The following BMPR1B variants were observed in gnomAD, a reference collection of about 807,000 sequenced individuals.
BMPR1B encodes bone morphogenetic protein receptor type-1B.
A neutral mutation model predicts 59.1 loss-of-function variants in BMPR1B; 12 were observed. The ratio of observed to expected loss-of-function variants is 0.20; its 90% CI spans 0.13 to 0.33. BMPR1B has a LOEUF of 0.33. Among genes scored for constraint, BMPR1B ranks in the 10% least tolerant of loss-of-function variants. BMPR1B has a pLI of 1.00. For missense variants in BMPR1B, 550 were observed against 610.9 expected, an observed-to-expected ratio of 0.90 and a Z score of 1.05; for synonymous variants, 237 against 207.3, an observed-to-expected ratio of 1.14 and a Z score of -1.23.
At chr4:94,867,757 C>T (rs969115110) in intron 1 of BMPR1B, among the ~76,000 whole-genome samples, 1 of 152,196 alleles carries the variant, frequency 6.6e-6, no homozygotes, top group African/African-American at 2.4e-5. Flanking sequence ...GTTTTCATAA[C>T]CTTCAAAATA....
At chr4:94,905,712 A>T (rs941643595) in intron 2 of BMPR1B, among the ~76,000 whole-genome samples, 5 of 151,956 alleles carry the variant, frequency 3.3e-5, no homozygotes, top group African/African-American at 9.7e-5. Context: ...CTCACACAGG[A>T]TGCCTGCCTA....
chr4:95,013,736 T>TC (rs1243848048), intron 3 of BMPR1B, among the ~76,000 whole-genome samples: 1 of 146,578 alleles, frequency 6.8e-6, no homozygotes, highest in Non-Finnish European at 1.6e-5. Flanking sequence ...TCTAGATGTC[T>TC]GTTTCACTTG....
At chr4:94,985,867 T>C (rs1023796433) in intron 2 of BMPR1B, among the ~76,000 whole-genome samples, 19 of 152,174 alleles carry the variant, frequency 1.2e-4, no homozygotes, top group African/African-American at 2.2e-4. Context: ...AGAGCACTTA[T>C]AAAAATATAA....
At chr4:94,844,171 C>T (rs1000657956) in intron 1 of BMPR1B, among the ~76,000 whole-genome samples, 19 of 151,490 alleles carry the variant, frequency 1.3e-4, no homozygotes, top group Non-Finnish European at 2.5e-4. Context: ...GTTTTCATCA[C>T]AAAAAAAGGT....
intron 1 of BMPR1B, among the ~76,000 whole-genome samples, chr4:94,868,778 T>C (rs1726357864): frequency 1.3e-5 from 2 of 152,226 alleles, no homozygotes; most frequent in South Asian, 4.1e-4. Context: ...TAATCAAAGG[T>C]GTTGCACAGG....
At chr4:94,830,541 C>G (rs1724544903) in intron 1 of BMPR1B, among the ~76,000 whole-genome samples, 1 of 152,160 alleles carries the variant, frequency 6.6e-6, no homozygotes, top group Non-Finnish European at 1.5e-5. Context: ...TAAACTCCTT[C>G]AAGCATTGCT....
Position 95,154,819 on chromosome 4 carries a change from G to A in BMPR1B, c.*146G>A, listed in dbSNP as rs1735298503. On this transcript the variant is annotated 3_prime_UTR_variant, in exon 13 of 13. Coordinates refer to ENST00000515059, the MANE Select transcript of BMPR1B (RefSeq NM_001203.3). ...AGTGGGTTCAGACCTCACCTCTCAGGGAGCGACCTGGGCAAAGACAGAGAA... is the reference window on the plus strand; with the variant it reads ...AGTGGGTTCAGACCTCACCTCTCAGAGAGCGACCTGGGCAAAGACAGAGAA... The A allele has an allele frequency of 8.9e-7, 1 of 1,122,002 alleles. No individual in the cohort carries two copies. Among genetic ancestry groups the A allele is most frequent in the Non-Finnish European group, 1.3e-6 (1 of 769,244 alleles). The allele number at this position is 1,122,002 out of a possible 1,614,324, so 69.5% of individuals were successfully genotyped here. A position where few individuals can be genotyped will look rare whatever the true frequency, so the allele number is the denominator to read the frequency against.
At chr4:95,073,441 A>T (rs566777856) in intron 3 of BMPR1B, among the ~76,000 whole-genome samples, 1 of 152,266 alleles carries the variant, frequency 6.6e-6, no homozygotes, top group East Asian at 1.9e-4. Context: ...GGTTTATGGC[A>T]CTTTCATAGT....
intron 2 of BMPR1B, among the ~76,000 whole-genome samples, chr4:94,989,822 T>C (rs2149096747): frequency 6.6e-6 from 1 of 152,292 alleles, no homozygotes; most frequent in African/African-American, 2.4e-5. Flanking sequence ...AAAAACATAT[T>C]TTAAGCTTTA....
intron 3 of BMPR1B, among the ~76,000 whole-genome samples, chr4:95,096,969 A>G (rs1164013674): frequency 7.0e-6 from 1 of 143,792 alleles, no homozygotes; most frequent in African/African-American, 2.5e-5. Context: ...ACTTTATTAT[A>G]TATAGTTATA....
At chr4:95,101,880 G>T (rs576366949) in intron 3 of BMPR1B, among the ~76,000 whole-genome samples, 1 of 151,850 alleles carries the variant, frequency 6.6e-6, no homozygotes, top group Non-Finnish European at 1.5e-5. Context: ...TGCTTTTCAG[G>T]CTTTTATTTT....
At chr4:94,846,860 T>C (rs946786623) in intron 1 of BMPR1B, among the ~76,000 whole-genome samples, 2 of 148,856 alleles carry the variant, frequency 1.3e-5, no homozygotes, top group Non-Finnish European at 3.0e-5. Flanking sequence ...AAAAAAAACG[T>C]TGGGGAAACT....
chr4:94,945,848 A>G (rs561233024), intron 2 of BMPR1B, among the ~76,000 whole-genome samples: 1 of 152,338 alleles, frequency 6.6e-6, no homozygotes, highest in South Asian at 2.1e-4. Flanking sequence ...AGTTTTTTAC[A>G]TAATATATTG....
intron 2 of BMPR1B, among the ~76,000 whole-genome samples, chr4:94,982,112 CAGGGAG>C (rs1341781371): frequency 4.6e-5 from 7 of 152,210 alleles, no homozygotes; most frequent in Middle Eastern, 3.4e-3. Context: ...CCAGAATGCA[CAGGGAG>C]AATACATAAA....
intron 2 of BMPR1B, among the ~76,000 whole-genome samples, chr4:94,902,082 T>C (rs901410721): frequency 3.7e-5 from 5 of 134,006 alleles, no homozygotes; most frequent in Admixed American, 1.6e-4. Context: ...TGTGTGTGTG[T>C]GTGTGGGGTG....
intron 1 of BMPR1B, among the ~76,000 whole-genome samples, chr4:94,862,590 G>C (rs962263232): frequency 6.6e-6 from 1 of 151,218 alleles, no homozygotes; most frequent in Non-Finnish European, 1.5e-5. Flanking sequence ...GATCACCTGA[G>C]GTCAGGAGTT....
chr4:94,883,260 TG>T (rs1432910080), intron 2 of BMPR1B, among the ~76,000 whole-genome samples: 1 of 152,136 alleles, frequency 6.6e-6, no homozygotes, highest in Non-Finnish European at 1.5e-5. Context: ...TGAAACTACA[TG>T]CCGGATTTCT....
At chr4:95,105,830 A>G (rs1210995244) in intron 4 of BMPR1B, among the ~76,000 whole-genome samples, 2 of 152,044 alleles carry the variant, frequency 1.3e-5, no homozygotes, top group Non-Finnish European at 1.5e-5. Context: ...AAATAGAAAA[A>G]GTATCAGGAG....
chr4:94,884,704 T>G (rs906679908), intron 2 of BMPR1B, among the ~76,000 whole-genome samples: 1 of 152,184 alleles, frequency 6.6e-6, no homozygotes, highest in African/African-American at 2.4e-5. Flanking sequence ...AACATACATT[T>G]TATACTTACA....
Sources: allele counts gnomAD v4.1 joint callset (sites outside exome capture counted in the v4.1 genomes callset), GRCh38; gene constraint gnomAD v4.1.1; transcripts MANE v1.5; gene names NCBI Gene and HGNC (gene_info 2026-07-23, HGNC 2026-07-21).